TRIM71: variants seen among roughly 807,000 people sequenced by gnomAD.
TRIM71 encodes tripartite motif containing 71.
TRIM71 carries 9 observed loss-of-function variants against 61.2 expected under a neutral mutation model. That is an observed-to-expected ratio of 0.15 (90% confidence interval 0.09 to 0.26). The LOEUF is 0.26. Ranked by LOEUF, TRIM71 falls within the 10% of genes least tolerant of loss-of-function variation. TRIM71 has a pLI of 1.00. For synonymous variants in TRIM71, 645 were observed against 553.2 expected, an observed-to-expected ratio of 1.17 and a Z score of -2.33; for missense variants, 998 against 1,238.7, an observed-to-expected ratio of 0.81 and a Z score of 2.92.
chr3:32,858,209 C>T (rs1187320557), intron 1 of TRIM71, among the ~76,000 whole-genome samples: 1 of 151,992 alleles, frequency 6.6e-6, no homozygotes, highest in Non-Finnish European at 1.5e-5. Flanking sequence ...TGGTTAGTTC[C>T]TCATTTGTCT....
intron 1 of TRIM71, among the ~76,000 whole-genome samples, chr3:32,852,341 A>T (rs947576331): frequency 3.9e-5 from 6 of 152,136 alleles, no homozygotes; most frequent in Admixed American, 2.0e-4. Context: ...GCTTCTCCAT[A>T]TGTCCACTAC....
At chr3:32,855,581 T>TC (rs1467622447) in intron 1 of TRIM71, among the ~76,000 whole-genome samples, 1 of 152,136 alleles carries the variant, frequency 6.6e-6, no homozygotes, top group Admixed American at 6.5e-5. Context: ...AGGAGACAGA[T>TC]CCTCAGCCTG....
At chr3:32,881,785 G>A (rs1026679843) in intron 2 of TRIM71, among the ~76,000 whole-genome samples, 2 of 152,176 alleles carry the variant, frequency 1.3e-5, no homozygotes, top group Non-Finnish European at 2.9e-5. Context: ...GCTGTTAGAG[G>A]TTGGGAACTA....
At chr3:32,845,234 G>C (rs1369616043) in intron 1 of TRIM71, among the ~76,000 whole-genome samples, 1 of 152,194 alleles carries the variant, frequency 6.6e-6, no homozygotes, top group Non-Finnish European at 1.5e-5. Flanking sequence ...TTGTGGCTGT[G>C]TCTCCCAGAC....
At chr3:32,855,663 T>C (rs1342531402) in intron 1 of TRIM71, among the ~76,000 whole-genome samples, 1 of 152,132 alleles carries the variant, frequency 6.6e-6, no homozygotes. Context: ...AAGGTTCATC[T>C]TCAGGGATGG....
chr3:32,833,918 C>T (rs758950333), intron 1 of TRIM71, among the ~76,000 whole-genome samples: 1 of 152,056 alleles, frequency 6.6e-6, no homozygotes, highest in Non-Finnish European at 1.5e-5. Flanking sequence ...TTTTTTAATT[C>T]TTCATTTTCC....
At chr3:32,871,575 T>C (rs1279820574) in intron 1 of TRIM71, among the ~76,000 whole-genome samples, 3 of 152,198 alleles carry the variant, frequency 2.0e-5, no homozygotes, top group Non-Finnish European at 2.9e-5. Flanking sequence ...GTAGAATTGC[T>C]TTAGCACCAG....
At chr3:32,833,880 AT>A (rs1696303567) in intron 1 of TRIM71, among the ~76,000 whole-genome samples, 1 of 152,080 alleles carries the variant, frequency 6.6e-6, no homozygotes. Context: ...ATCCTTGACC[AT>A]TGGGGAAAAA....
intron 1 of TRIM71, among the ~76,000 whole-genome samples, chr3:32,859,986 C>G (rs1696648006): frequency 6.6e-6 from 1 of 152,148 alleles, no homozygotes; most frequent in South Asian, 2.1e-4. Flanking sequence ...TCCTGCCACC[C>G]AGTTCTGTTC....
chr3:32,854,078 T>TC (rs1696570024), intron 1 of TRIM71, among the ~76,000 whole-genome samples: 1 of 151,944 alleles, frequency 6.6e-6, no homozygotes, highest in Admixed American at 6.6e-5. Context: ...AACCTCTGCC[T>TC]CCTGGGTTCA....
At position 32,891,996 on chromosome 3, in the gene TRIM71, A is replaced by T. The variant is rs1428642975; in HGVS notation, c.*185A>T. On this transcript the variant is annotated 3_prime_UTR_variant, in exon 4 of 4. Coordinates refer to ENST00000383763, the MANE Select transcript of TRIM71 (RefSeq NM_001039111.3). The surrounding 1 kb of genome is among the most constrained non-coding windows in gnomAD (Gnocchi z 8.2). Reference sequence around the variant, plus strand: ...ATTGCTTAAGTCCTACCTCATCTTTATTTTTTTACAGATGAATGTACTTAT... The same window carrying T: ...ATTGCTTAAGTCCTACCTCATCTTTTTTTTTTTACAGATGAATGTACTTAT... 13 of 793,046 alleles carry T rather than the reference A, an allele frequency of 1.6e-5. No individual in the cohort carries two copies. The highest frequency in any genetic ancestry group is 2.2e-5 in the Non-Finnish European group (12 of 537,956). The allele number at this position is 793,046 out of a possible 1,614,324, so 49.1% of individuals were successfully genotyped here.
intron 1 of TRIM71, among the ~76,000 whole-genome samples, chr3:32,840,494 T>C (rs1490022660): frequency 6.6e-6 from 1 of 152,170 alleles, no homozygotes; most frequent in Non-Finnish European, 1.5e-5. Flanking sequence ...TTTACTCCAT[T>C]ATGTTTAGAG....
chr3:32,845,807 G>A (rs887879770), intron 1 of TRIM71, among the ~76,000 whole-genome samples: 6 of 151,486 alleles, frequency 4.0e-5, no homozygotes, highest in Non-Finnish European at 5.9e-5. Flanking sequence ...TGCAACCTCC[G>A]CCTCCCGGGT....
chr3:32,818,071 T>G lies in TRIM71; in HGVS notation c.-10T>G, dbSNP rs368257282. On this transcript the variant is annotated 5_prime_UTR_variant, in exon 1 of 4. Coordinates refer to ENST00000383763, the MANE Select transcript of TRIM71 (RefSeq NM_001039111.3). ...CTCTGGTCTCCTCCCTCCTCCGGGCTGGGTTGCAAATGGCTTCGTTCCCCG... is the reference window on the plus strand; with the variant it reads ...CTCTGGTCTCCTCCCTCCTCCGGGCGGGGTTGCAAATGGCTTCGTTCCCCG... 1.2e-6 allele frequency: 2 copies of G among 1,610,022 alleles called. No homozygotes were observed. Among genetic ancestry groups the G allele is most frequent in the South Asian group, 2.2e-5 (2 of 91,040 alleles).
chr3:32,856,713 G>A (rs4909018), intron 1 of TRIM71, among the ~76,000 whole-genome samples: 82,663 of 151,994 alleles, frequency 0.54, 22,890 homozygotes, highest in East Asian at 0.85. Context: ...TCTTTTCAAC[G>A]AGCAAACAAA....
At chr3:32,870,585 G>A (rs377551125) in intron 1 of TRIM71, among the ~76,000 whole-genome samples, 3 of 151,982 alleles carry the variant, frequency 2.0e-5, no homozygotes, top group Non-Finnish European at 2.9e-5. Context: ...CCTGCCTTTC[G>A]CTGCCATACC....
rs1290470059 is a variant in TRIM71 at position 32,894,598 on chromosome 3, C to G, written c.*2787C>G. The G allele has an allele frequency of 6.6e-6, 1 of 152,222 alleles. No homozygotes were observed. The highest frequency in any genetic ancestry group is 1.5e-5 in the Non-Finnish European group (1 of 68,052). 9.4% of individuals were successfully genotyped at this position (152,222 alleles called of 1,614,324 possible). On this transcript the variant is annotated 3_prime_UTR_variant, in exon 4 of 4. Coordinates refer to ENST00000383763, the MANE Select transcript of TRIM71 (RefSeq NM_001039111.3). ...TGGTGCATGACTGGTATTTGAGAAA[C>G]ATGGTCACATTTGGAAAGCTTTTGT... is the stretch of plus-strand genomic sequence containing the variant.
intron 1 of TRIM71, among the ~76,000 whole-genome samples, chr3:32,870,968 ATT>A (rs537452978): frequency 5.1e-5 from 7 of 137,824 alleles, no homozygotes; most frequent in Admixed American, 1.4e-4. Context: ...ACGCCCAGCA[ATT>A]TTTTTTTTTT....
Position 32,818,533 on chromosome 3 carries a change from C to T in TRIM71, c.453C>T (p.His151=). The T allele has an allele frequency of 1.5e-6, 2 of 1,339,176 alleles. No homozygotes were observed. The highest frequency in any genetic ancestry group is 1.9e-6 in the Non-Finnish European group (2 of 1,049,854). 83.0% of individuals were successfully genotyped at this position (1,339,176 alleles called of 1,614,324 possible). Residue 151 remains histidine, a synonymous_variant, in exon 1 of 4, where the codon CAC becomes CAT. Coordinates refer to ENST00000383763, the MANE Select transcript of TRIM71 (RefSeq NM_001039111.3). ...AGAGGHSNHR[H]HAHHAHPRAS... ...CGGGCGGCCACAGCAACCACCGGCA[C>T]CACGCTCACCACGCGCACCCGCGCG...
Sources: gnomAD v4.1 joint callset for allele counts (sites outside exome capture counted in the v4.1 genomes callset) on GRCh38, gnomAD v4.1.1 for gene constraint, Gnocchi (gnomAD v3.1) non-coding constraint, MANE v1.5 for transcripts, NCBI Gene and HGNC (gene_info 2026-07-23, HGNC 2026-07-21) for gene names.